The following GRIN2B variants were observed in gnomAD, a reference collection of about 807,000 sequenced individuals.
GRIN2B encodes glutamate ionotropic receptor NMDA type subunit 2B.
GRIN2B carries 5 observed loss-of-function variants against 114.5 expected under a neutral mutation model. That is an observed-to-expected ratio of 0.04 (90% CI 0.02 to 0.09). The LOEUF is 0.09. Ranked by LOEUF, GRIN2B falls within the 10% of genes least tolerant of loss-of-function variation. GRIN2B has a pLI of 1.00. For synonymous variants in GRIN2B, 787 were observed against 745.1 expected, an observed-to-expected ratio of 1.06 and a Z score of -0.92; for missense variants, 1,108 against 1,943.5, an observed-to-expected ratio of 0.57 and a Z score of 8.08.
rs147412455 is a variant in GRIN2B at position 13,795,106 on chromosome 12, T to A, written c.412-41191A>T. Among the ~76,000 whole-genome samples, 24 of 152,314 alleles carry A rather than the reference T, an allele frequency of 1.6e-4. No homozygotes were observed. In the East Asian group the frequency reaches 3.5e-3, roughly 22 times the overall value. ...AATTCAGAATGACTAGGATACATAA[T>A]CATGACATAATTAGAACCAAACAAG... On this transcript the variant is annotated intron_variant, in intron 3 of 13. Transcript: ENST00000609686.
intron 2 of GRIN2B, among the ~76,000 whole-genome samples, chr12:13,913,525 C>T (rs897737849): frequency 6.6e-6 from 1 of 152,166 alleles, no homozygotes. Context: ...TCACTTCATC[C>T]CTCTGGGCCT....
intron 2 of GRIN2B, among the ~76,000 whole-genome samples, chr12:13,892,853 A>C (rs1417189207): frequency 1.3e-5 from 2 of 152,176 alleles, no homozygotes; most frequent in African/African-American, 4.8e-5. Context: ...AGATTTAAGA[A>C]ACTGTAGAGA....
chr12:13,850,648 G>A (rs1256381090), intron 3 of GRIN2B, among the ~76,000 whole-genome samples: 1 of 152,086 alleles, frequency 6.6e-6, no homozygotes, highest in African/African-American at 2.4e-5. Flanking sequence ...CTTAATCAAG[G>A]TCAACTGGGA....
At chr12:13,704,445 A>C (rs1282638444) in intron 4 of GRIN2B, among the ~76,000 whole-genome samples, 1 of 152,196 alleles carries the variant, frequency 6.6e-6, no homozygotes, top group Non-Finnish European at 1.5e-5. Flanking sequence ...AAATCCTGAC[A>C]CACCAACAGA....
At chr12:13,672,561 T>C (rs1412792730) in intron 5 of GRIN2B, among the ~76,000 whole-genome samples, 1 of 152,156 alleles carries the variant, frequency 6.6e-6, no homozygotes, top group East Asian at 1.9e-4. Context: ...AGCCATTCCC[T>C]GGAGCCACAC....
chr12:13,981,858 G>A (rs973149896), upstream of GRIN2B: 26 of 153,038 alleles, frequency 1.7e-4, no homozygotes, highest in African/African-American at 5.3e-4. Context: ...TCTGGATTTG[G>A]GTCTCACACT....
chr12:13,577,155 G>A (rs140819378), intron 10 of GRIN2B, among the ~76,000 whole-genome samples: 45 of 152,298 alleles, frequency 3.0e-4, no homozygotes, highest in African/African-American at 1.1e-3. Context: ...GCCACACACT[G>A]TAAGTGGGGC....
At chr12:13,730,343 A>T (rs1331500701) in intron 4 of GRIN2B, among the ~76,000 whole-genome samples, 1 of 152,228 alleles carries the variant, frequency 6.6e-6, no homozygotes, top group Non-Finnish European at 1.5e-5. Context: ...GGATAGCCCA[A>T]TAAAACAAGC....
intron 5 of GRIN2B, among the ~76,000 whole-genome samples, chr12:13,653,007 GAGGA>G (rs1949830268): frequency 1.3e-5 from 2 of 152,132 alleles, no homozygotes; most frequent in African/African-American, 4.8e-5. Flanking sequence ...TATGTTTTAG[GAGGA>G]TCCATCTGAC....
intron 2 of GRIN2B, among the ~76,000 whole-genome samples, chr12:13,907,211 C>T (rs527937037): frequency 1.3e-5 from 2 of 152,270 alleles, no homozygotes; most frequent in African/African-American, 4.8e-5. Flanking sequence ...CTCCAGAGGG[C>T]CGGGCGTGGT....
chr12:13,648,096 C>G (rs1045949428), intron 5 of GRIN2B, among the ~76,000 whole-genome samples: 1 of 152,088 alleles, frequency 6.6e-6, no homozygotes, highest in Non-Finnish European at 1.5e-5. Context: ...AGTTAAATCA[C>G]TAGAACAGTA....
chr12:13,950,960 C>T (rs1249364118), intron 2 of GRIN2B, among the ~76,000 whole-genome samples: 1 of 152,058 alleles, frequency 6.6e-6, no homozygotes, highest in Non-Finnish European at 1.5e-5. Context: ...AAATGAAGGA[C>T]AAAATCTCCA....
intron 2 of GRIN2B, among the ~76,000 whole-genome samples, chr12:13,894,370 T>C (rs1263388690): frequency 6.6e-6 from 1 of 152,166 alleles, no homozygotes; most frequent in Non-Finnish European, 1.5e-5. Context: ...AATTGTGCTA[T>C]AGCTTTATGA....
chr12:13,617,269 G>T (rs969985176), intron 5 of GRIN2B, among the ~76,000 whole-genome samples: 1 of 152,248 alleles, frequency 6.6e-6, no homozygotes, highest in Non-Finnish European at 1.5e-5. Context: ...AGGGAGCACA[G>T]TTAGGCTGGG....
At chr12:13,976,423 GA>G (rs1863020037) in intron 2 of GRIN2B, among the ~76,000 whole-genome samples, 1 of 152,102 alleles carries the variant, frequency 6.6e-6, no homozygotes, top group African/African-American at 2.4e-5. Context: ...TGGCACTGAG[GA>G]AAAAGAGGAG....
intron 3 of GRIN2B, among the ~76,000 whole-genome samples, chr12:13,855,094 T>C (rs1276045127): frequency 6.9e-6 from 1 of 144,632 alleles, no homozygotes; most frequent in Non-Finnish European, 1.5e-5. Context: ...GGTGCATGCC[T>C]GTAATCCCAG....
chr12:13,691,850 T>C (rs1950217361), intron 4 of GRIN2B, among the ~76,000 whole-genome samples: 1 of 151,870 alleles, frequency 6.6e-6, no homozygotes, highest in Non-Finnish European at 1.5e-5. Flanking sequence ...AGCAAGTAGG[T>C]GTTGGTGGAA....
chr12:13,790,400 C>T lies in GRIN2B; in HGVS notation c.412-36485G>A, dbSNP rs375083997. Among the ~76,000 whole-genome samples the T allele has an allele frequency of 1.7e-4, 26 of 152,314 alleles. No homozygotes were observed. The East Asian group carries it at 5.0e-3, about 29-fold the overall frequency. Reference sequence around the variant, plus strand: ...TCACCTCTCTTATTATCTTTACTTTCCTTGAATGTGTAGACACATTTAATA... The same window carrying T: ...TCACCTCTCTTATTATCTTTACTTTTCTTGAATGTGTAGACACATTTAATA... On this transcript the variant is annotated intron_variant, in intron 3 of 13. Coordinates refer to ENST00000609686, the MANE Select transcript of GRIN2B (RefSeq NM_000834.5).
intron 2 of GRIN2B, among the ~76,000 whole-genome samples, chr12:13,905,113 GTAGAA>G (rs2136791549): frequency 6.6e-6 from 1 of 152,130 alleles, no homozygotes; most frequent in African/African-American, 2.4e-5. Context: ...CATAGTTCTG[GTAGAA>G]TAAACTTTTT....
Sources: allele counts gnomAD v4.1 joint callset (sites outside exome capture counted in the v4.1 genomes callset), GRCh38; gene constraint gnomAD v4.1.1; transcripts MANE v1.5; gene names NCBI Gene and HGNC (gene_info 2026-07-23, HGNC 2026-07-21).